KDELR1: variants seen among roughly 807,000 people sequenced by gnomAD.
KDELR1 encodes ER lumen protein-retaining receptor 1.
A neutral mutation model predicts 25.5 loss-of-function variants in KDELR1; 16 were observed. That is an observed-to-expected ratio of 0.63 (90% confidence interval 0.43 to 0.95). KDELR1 has a LOEUF of 0.95. KDELR1 is among the 40% of genes least tolerant of loss of function. The pLI is 0.00. For missense variants in KDELR1, 159 were observed against 265.2 expected (o/e 0.60, Z 2.78); for synonymous variants, 121 against 115.0 (o/e 1.05, Z -0.33).
Position 48,389,602 on chromosome 19 carries a change from G to A in KDELR1, c.302C>T (p.Pro101Leu). 6.2e-7 allele frequency: 1 copy of A among 1,614,112 alleles called. No homozygotes were observed. The highest frequency in any genetic ancestry group is 8.5e-7 in the Non-Finnish European group (1 of 1,179,976). ...GACCAGGAACGCCAGAATGGCTGTG[G>A]GAACGACCAGGAACTCCACTCTGAA... ...DTFRVEFLVV[P>L]TAILAFLVNH... The change falls in exon 3 of 5, where the codon CCC becomes CTC. Residue 101 changes from proline to leucine, a missense_variant. Transcript: ENST00000330720.
the KDELR1 span, among the ~76,000 whole-genome samples, chr19:48,396,810 C>T: frequency 1.3e-4 from 19 of 151,962 alleles, no homozygotes; most frequent in Non-Finnish European, 2.2e-4. Context: ...ACGAGGCCTG[C>T]GCTACCATGG....
chr19:48,396,784 G>A, the KDELR1 span, among the ~76,000 whole-genome samples: 2 of 152,040 alleles, frequency 1.3e-5, no homozygotes, highest in Non-Finnish European at 2.9e-5. Context: ...CCCCGCCCTG[G>A]CTGTCTGTGG....
At chr19:48,388,899 G>C (rs939045938) in intron 3 of KDELR1, among the ~76,000 whole-genome samples, 6 of 125,802 alleles carry the variant, frequency 4.8e-5, no homozygotes, top group Admixed American at 4.3e-4. Context: ...AAGGAAGGAA[G>C]AAAGGAAGAA....
chr19:48,396,710 G>A, the KDELR1 span, among the ~76,000 whole-genome samples: 3 of 152,054 alleles, frequency 2.0e-5, no homozygotes, highest in African/African-American at 7.2e-5. Flanking sequence ...CTCTGGGAAG[G>A]TGAGGTGGTG....
At chr19:48,390,660 C>T in intron 1 of KDELR1, 136 bp from the exon 2 acceptor site, 1 of 634,632 alleles carries the variant, frequency 1.6e-6, no homozygotes, top group Non-Finnish European at 2.8e-6. Context: ...GCAGGGCGCC[C>T]GGGACCAGCC....
At chr19:48,389,115 C>T (rs1970520920) in intron 3 of KDELR1, among the ~76,000 whole-genome samples, 2 of 152,054 alleles carry the variant, frequency 1.3e-5, no homozygotes, top group Admixed American at 1.3e-4. Context: ...ACTAAAAATA[C>T]AAAAATTAGC....
chr19:48,389,720 G>A lies in KDELR1; in HGVS notation c.193-9C>T, dbSNP rs1241998786. 6.2e-7 allele frequency: 1 copy of A among 1,613,762 alleles called. No homozygotes were observed. The highest frequency in any genetic ancestry group is 1.1e-5 in the South Asian group (1 of 91,074). On this transcript the variant is annotated splice_polypyrimidine_tract_variant and intron_variant, in intron 2 of 4. Transcript: ENST00000330720. ...CAGGCTATGTAGACCACCTGAGGAG[G>A]GGGATGATGAGAAGGGGCCTCAACT...
chr19:48,389,675 A>G lies in KDELR1; in HGVS notation c.229T>C (p.Leu77=). Residue 77 remains leucine, a synonymous_variant, in exon 3 of 5, where the codon TTG becomes CTG. Coordinates refer to ENST00000330720, the MANE Select transcript of KDELR1 (RefSeq NM_006801.3). ...GTAGCTTTGAACTTGCTATAAATCA[A>G]CCAGACCGTGGTGAAGGAGCAGGCT... The part of the protein sequence containing the change: ...YIACSFTTVW[L]IYSKFKATYD... 1 of 1,614,096 alleles carries G rather than the reference A, an allele frequency of 6.2e-7. No individual in the cohort carries two copies.
At chr19:48,395,708 G>A (rs373488526), upstream of KDELR1, among the ~76,000 whole-genome samples, 16 of 152,138 alleles carry the variant, frequency 1.1e-4, no homozygotes, top group East Asian at 2.7e-3. Context: ...CAGGATCTAA[G>A]TGGGGTGACT....
At chr19:48,383,485 C>A (rs1363520762) in intron 4 of KDELR1, among the ~76,000 whole-genome samples, 158 bp from the exon 5 acceptor site, 3 of 152,056 alleles carry the variant, frequency 2.0e-5, no homozygotes, top group Non-Finnish European at 4.4e-5. Flanking sequence ...TTCTTTCCTT[C>A]CTACCCTTTC....
In KDELR1 at chr19:48,383,278, T is replaced by TG; in HGVS notation, c.*14dup. ...CTCCCGCTGCTGCCGAGGAGAGAGA[T>TG]GGAGAGGACCGGGGCTATGCCGGCA... On this transcript the variant is annotated 3_prime_UTR_variant, in exon 5 of 5. Coordinates refer to ENST00000330720, the MANE Select transcript of KDELR1 (RefSeq NM_006801.3). 1 of 1,551,690 alleles carries TG rather than the reference T, an allele frequency of 6.4e-7. No individual in the cohort carries two copies. The highest frequency in any genetic ancestry group is 8.7e-7 in the Non-Finnish European group (1 of 1,146,886).
At chr19:48,386,573 G>A (rs1367787501) in intron 3 of KDELR1, among the ~76,000 whole-genome samples, 3 of 150,588 alleles carry the variant, frequency 2.0e-5, no homozygotes, top group East Asian at 2.0e-4. Context: ...TCAGCTTCCC[G>A]AGTAGCTGGG....
rs1970552034 is a variant in KDELR1, at chr19:48,391,483, C to T, written c.-125G>A. On this transcript the variant is annotated 5_prime_UTR_variant, in exon 1 of 5. Coordinates refer to ENST00000330720, the MANE Select transcript of KDELR1 (RefSeq NM_006801.3). ...CGGAAGAGGGACCCTAGGTGCGCTC[C>T]GCTCCGGGGAGGGGACTTTGGGAGG... 3 of 714,514 alleles carry T rather than the reference C, an allele frequency of 4.2e-6. No homozygotes were observed. In the African/African-American group the frequency reaches 5.3e-5, roughly 13 times the overall value. 44.3% of individuals were successfully genotyped at this position (714,514 alleles called of 1,614,324 possible). A position where few individuals can be genotyped will look rare whatever the true frequency, so the allele number is the denominator to read the frequency against.
chr19:48,391,753 G>A (rs1326175860), upstream of KDELR1, among the ~76,000 whole-genome samples: 1 of 152,174 alleles, frequency 6.6e-6, no homozygotes, highest in East Asian at 1.9e-4. Flanking sequence ...CGCCCAGGCA[G>A]TCTGTGTCTC....
chr19:48,386,110 C>CTT (rs558516450), intron 3 of KDELR1, among the ~76,000 whole-genome samples: 3 of 138,414 alleles, frequency 2.2e-5, no homozygotes, highest in Admixed American at 7.3e-5. Flanking sequence ...AGGTCTGTTG[C>CTT]TTTTTTTTTT....
chr19:48,396,516 C>A (rs1970643453), upstream of KDELR1, among the ~76,000 whole-genome samples: 1 of 140,966 alleles, frequency 7.1e-6, no homozygotes, highest in African/African-American at 2.7e-5. Flanking sequence ...GTTAACCCCG[C>A]GGGGGCCAGG....
chr19:48,390,908 C>T (rs1970543278), intron 1 of KDELR1: 1 of 441,678 alleles, frequency 2.3e-6, no homozygotes, highest in Non-Finnish European at 4.2e-6. Flanking sequence ...GCCCCGGATC[C>T]GGTCACCTCC....
chr19:48,390,219 C>T (rs1211439251), intron 2 of KDELR1: 1 of 505,622 alleles, frequency 2.0e-6, no homozygotes, highest in Non-Finnish European at 3.5e-6. Flanking sequence ...GAGTCCAGAC[C>T]CCCAACCCCT....
At chr19:48,396,557 G>T in the KDELR1 span, among the ~76,000 whole-genome samples, 1 of 151,898 alleles carries the variant, frequency 6.6e-6, no homozygotes, top group South Asian at 2.1e-4. Flanking sequence ...GGGGCGGAGT[G>T]GGGGGGTTAT....
Sources: gnomAD v4.1 joint callset for allele counts (sites outside exome capture counted in the v4.1 genomes callset) on GRCh38, gnomAD v4.1.1 for gene constraint, MANE v1.5 for transcripts, NCBI Gene and HGNC (gene_info 2026-07-23, HGNC 2026-07-21) for gene names.